The following LUC7L3 variants were observed in gnomAD, a reference collection of about 807,000 sequenced individuals.
The protein encoded by LUC7L3 is LUC7 like 3 pre-mRNA splicing factor, also known as luc7-like protein 3.
In LUC7L3, 6 loss-of-function variants were observed where a neutral mutation model predicts 66.8. The observed-to-expected ratio is 0.09, with a 90% CI of 0.05 to 0.18. The LOEUF (loss-of-function observed/expected upper bound fraction) is 0.18. Among genes scored for constraint, LUC7L3 ranks in the 10% least tolerant of loss-of-function variants. The pLI, the probability that LUC7L3 is intolerant of heterozygous loss-of-function variation, is 1.00. For missense variants in LUC7L3, 341 were observed against 531.1 expected (o/e 0.64, Z 3.52); for synonymous variants, 160 against 174.7 (o/e 0.92, Z 0.66).
intron 1 of LUC7L3, among the ~76,000 whole-genome samples, chr17:50,721,164 C>G (rs1469376759): frequency 1.3e-5 from 2 of 151,878 alleles, no homozygotes; most frequent in African/African-American, 2.4e-5. Flanking sequence ...AGGAATAACG[C>G]TCAAAATCCT....
intron 2 of LUC7L3, among the ~76,000 whole-genome samples, chr17:50,738,969 G>T (rs1183558150): frequency 6.6e-6 from 1 of 152,108 alleles, no homozygotes; most frequent in Non-Finnish European, 1.5e-5. Flanking sequence ...AACAACGGGG[G>T]AAGTTGAAGA....
intron 9 of LUC7L3, among the ~76,000 whole-genome samples, chr17:50,748,753 A>G (rs1483192188): frequency 6.6e-6 from 1 of 152,186 alleles, no homozygotes; most frequent in Non-Finnish European, 1.5e-5. Flanking sequence ...CTTGTCTCCC[A>G]TGATTGGGTA....
At chr17:50,731,474 G>T (rs1443964009) in intron 1 of LUC7L3, among the ~76,000 whole-genome samples, 1 of 151,964 alleles carries the variant, frequency 6.6e-6, no homozygotes, top group East Asian at 1.9e-4. Flanking sequence ...GGCCTCTCTG[G>T]GTTTGTTCTT....
intron 1 of LUC7L3, among the ~76,000 whole-genome samples, chr17:50,728,870 A>G (rs1463928875): frequency 1.3e-5 from 2 of 150,058 alleles, no homozygotes; most frequent in African/African-American, 4.9e-5. Flanking sequence ...CCTTTTTTTT[A>G]ACCAATAAAA....
chr17:50,727,903 G>C (rs1018069039), intron 1 of LUC7L3, among the ~76,000 whole-genome samples: 1 of 149,900 alleles, frequency 6.7e-6, no homozygotes, highest in Non-Finnish European at 1.5e-5. Context: ...AGGAGATCGA[G>C]ACCATCCTGG....
chr17:50,740,751 G>T (rs1970298406), intron 3 of LUC7L3, among the ~76,000 whole-genome samples: 1 of 152,148 alleles, frequency 6.6e-6, no homozygotes, highest in Non-Finnish European at 1.5e-5. Context: ...GTAGAGACAG[G>T]GTTTCACCAT....
chr17:50,724,373 T>G (rs1004635573), intron 1 of LUC7L3: 1 of 153,686 alleles, frequency 6.5e-6, no homozygotes, highest in Non-Finnish European at 1.4e-5. Context: ...ATAAAAAAAT[T>G]AGCTGGGCGT....
chr17:50,745,913 G>C lies in LUC7L3; in HGVS notation c.887G>C (p.Arg296Pro). ...DRERRKRSRSRSRHSSRTSDR... is the reference protein window; with the variant it reads ...DRERRKRSRSPSRHSSRTSDR... ...GAAAGAAGAAAGAGAAGTCGTTCAC[G>C]AAGTAGACACTCAAGCCGAACATCA... The change falls in exon 8 of 10, where the codon CGA (arginine) becomes CCA (proline). Residue 296 changes from arginine to proline, a missense_variant. Around this residue, in one of 6 missense-constraint regions of LUC7L3, gnomAD observed 210 missense variants for 238.1 expected, o/e 0.88. Transcript: ENST00000505658. The C allele has an allele frequency of 6.2e-7, 1 of 1,613,568 alleles. No homozygotes were observed. The highest frequency in any genetic ancestry group is 8.5e-7 in the Non-Finnish European group (1 of 1,179,786).
At chr17:50,727,074 G>A (rs1969242748) in intron 1 of LUC7L3, among the ~76,000 whole-genome samples, 1 of 151,986 alleles carries the variant, frequency 6.6e-6, no homozygotes, top group Non-Finnish European at 1.5e-5. Context: ...GGCTGACAGA[G>A]CGAGACTTTG....
In LUC7L3 at chr17:50,750,941, A is replaced by G. The variant is rs1473676197; in HGVS notation, c.*280A>G. The stretch of plus-strand genomic sequence containing the variant: ...AAATTATCGCCCACATTTGTAATAT[A>G]GTCGCCATTGAAAAGTTAATTATCC... On this transcript the variant is annotated 3_prime_UTR_variant, in exon 10 of 10. Transcript: ENST00000505658. 1 of 1,518,286 alleles carries G rather than the reference A, an allele frequency of 6.6e-7. No homozygotes were observed. The highest frequency in any genetic ancestry group is 1.2e-5 in the South Asian group (1 of 80,622). The allele number at this position is 1,518,286 out of a possible 1,614,324, so 94.1% of individuals were successfully genotyped here. A position where few individuals can be genotyped will look rare whatever the true frequency, so the allele number is the denominator to read the frequency against.
rs545143537 is a variant in LUC7L3, at chr17:50,754,945, C to T, written c.*4284C>T. 3.3e-5 allele frequency: 5 copies of T among 152,218 alleles called. No homozygotes were observed. The East Asian group carries it at 9.6e-4, about 29-fold the overall frequency. 9.4% of individuals were successfully genotyped at this position (152,218 alleles called of 1,614,324 possible). On this transcript the variant is annotated 3_prime_UTR_variant, in exon 10 of 10. Coordinates refer to ENST00000505658, the MANE Select transcript of LUC7L3 (RefSeq NM_016424.5). ...TTTTATGGTGGAAGTTCTCTGAGCC[C>T]TCATCCATTCTGTTTTTAAAAATGC...
At chr17:50,748,804 G>A (rs1970836772) in intron 9 of LUC7L3, among the ~76,000 whole-genome samples, 1 of 151,776 alleles carries the variant, frequency 6.6e-6, no homozygotes, top group Non-Finnish European at 1.5e-5. Flanking sequence ...TTTTAGAAGT[G>A]ATATAATTTA....
intron 1 of LUC7L3, among the ~76,000 whole-genome samples, chr17:50,720,129 C>T (rs1277951713): frequency 6.6e-6 from 1 of 152,188 alleles, no homozygotes; most frequent in East Asian, 1.9e-4. Flanking sequence ...TTAAATCTAG[C>T]GGCTCCGAGG....
chr17:50,737,996 G>T (rs1970088243), intron 2 of LUC7L3: 2 of 355,070 alleles, frequency 5.6e-6, no homozygotes, highest in Admixed American at 3.9e-5. Context: ...GACCAGTCTA[G>T]ATCTTGAGAT....
rs1307861018 is a variant in LUC7L3, at chr17:50,741,362, T to C, written c.351+116T>C. The C allele has an allele frequency of 4.6e-6, 5 of 1,081,792 alleles. No individual in the cohort carries two copies. The African/African-American group carries it at 4.8e-5, about 10-fold the overall frequency. 67.0% of individuals were successfully genotyped at this position (1,081,792 alleles called of 1,614,324 possible). ...CATTACTTTGTTCTTTAAAATGATA[T>C]GAAACTTATAGGGCATTCATTTTTT... On this transcript the variant is annotated intron_variant, in intron 4 of 9. Transcript: ENST00000505658.
chr17:50,734,366 C>T (rs1225650178), intron 1 of LUC7L3, among the ~76,000 whole-genome samples: 1 of 152,128 alleles, frequency 6.6e-6, no homozygotes, highest in Non-Finnish European at 1.5e-5. Flanking sequence ...GGGGTTTCTC[C>T]ATGTTGGTCA....
chr17:50,748,761 G>GT (rs1970833807), intron 9 of LUC7L3, among the ~76,000 whole-genome samples: 1 of 152,084 alleles, frequency 6.6e-6, no homozygotes, highest in Non-Finnish European at 1.5e-5. Context: ...CCATGATTGG[G>GT]TATGCTATGA....
chr17:50,752,358 T>G lies in LUC7L3; in HGVS notation c.*1697T>G. On this transcript the variant is annotated 3_prime_UTR_variant, in exon 10 of 10. Coordinates refer to ENST00000505658, the MANE Select transcript of LUC7L3 (RefSeq NM_016424.5). ...TTATTATTAAAAGTTAATTCAGGAC[T>G]GATGTGACCTACCAGATTTCAGAAC... 1 of 516,172 alleles carries G rather than the reference T, an allele frequency of 1.9e-6. No homozygotes were observed. The highest frequency in any genetic ancestry group is 2.9e-6 in the Non-Finnish European group (1 of 344,724). The allele number at this position is 516,172 out of a possible 1,614,324, so 32.0% of individuals were successfully genotyped here.
intron 2 of LUC7L3, chr17:50,737,369 G>A (rs1370197896): frequency 4.3e-6 from 2 of 469,312 alleles, no homozygotes; most frequent in South Asian, 1.5e-5. Flanking sequence ...AGCAGCAAAC[G>A]CAACAGAGCA....
Sources: allele counts gnomAD v4.1 joint callset (sites outside exome capture counted in the v4.1 genomes callset), GRCh38; gene constraint gnomAD v4.1.1; regional missense constraint gnomAD v4.1.1; transcripts MANE v1.5; gene names NCBI Gene and HGNC (gene_info 2026-07-23, HGNC 2026-07-21).